ANKRD45: variants seen among roughly 807,000 people sequenced by gnomAD.
ANKRD45 encodes ankyrin repeat domain-containing protein 45.
Under a neutral mutation model 28.1 loss-of-function variants are expected in ANKRD45, and 21 were observed. That is an observed-to-expected ratio of 0.75 (90% CI 0.53 to 1.08). The LOEUF (loss-of-function observed/expected upper bound fraction) is 1.08. ANKRD45 is among the 50% of genes least tolerant of loss of function. The pLI is 0.00. For missense variants in ANKRD45, 261 were observed against 308.7 expected, an observed-to-expected ratio of 0.85 and a Z score of 1.16; for synonymous variants, 86 against 103.9, an observed-to-expected ratio of 0.83 and a Z score of 1.05.
chr1:173,693,951 A>T, the ANKRD45 span, among the ~76,000 whole-genome samples: 2 of 152,214 alleles, frequency 1.3e-5, no homozygotes, highest in Admixed American at 6.5e-5. Flanking sequence ...GCTTTGAGTG[A>T]AGGCATCTAT....
the ANKRD45 span, among the ~76,000 whole-genome samples, chr1:173,697,151 A>ATGGGGCTTTGTCCC: frequency 6.6e-6 from 1 of 152,234 alleles, no homozygotes; most frequent in Non-Finnish European, 1.5e-5. Flanking sequence ...AGCCTCCAAG[A>ATGGGGCTTTGTCCC]AATATGGGAC....
upstream of ANKRD45, among the ~76,000 whole-genome samples, chr1:173,673,561 T>C (rs560461674): frequency 4.0e-4 from 61 of 152,058 alleles, no homozygotes; most frequent in Non-Finnish European, 7.2e-4. Context: ...TGCTGAGTAC[T>C]GTGTTAAGTG....
the ANKRD45 span, among the ~76,000 whole-genome samples, chr1:173,699,922 G>A: frequency 3.2e-4 from 48 of 152,102 alleles, no homozygotes; most frequent in Non-Finnish European, 4.3e-4. Flanking sequence ...TTAGAAAACC[G>A]CATCATCTCA....
the ANKRD45 span, among the ~76,000 whole-genome samples, chr1:173,714,410 G>A: frequency 6.6e-6 from 1 of 152,122 alleles, no homozygotes; most frequent in Non-Finnish European, 1.5e-5. Context: ...GTGTCTGGTG[G>A]TGAATACTAA....
chr1:173,613,987 T>C (rs1348938054), intron 5 of ANKRD45, among the ~76,000 whole-genome samples: 1 of 152,216 alleles, frequency 6.6e-6, no homozygotes, highest in Non-Finnish European at 1.5e-5. Flanking sequence ...CTGTGCTCTC[T>C]GAAACATGTG....
At chr1:173,653,677 T>C (rs1381874245) in intron 2 of ANKRD45, among the ~76,000 whole-genome samples, 4 of 152,214 alleles carry the variant, frequency 2.6e-5, no homozygotes, top group Non-Finnish European at 5.9e-5. Flanking sequence ...CTCGTTGATC[T>C]GTCTAATGTT....
the ANKRD45 span, among the ~76,000 whole-genome samples, chr1:173,679,136 G>C: frequency 6.6e-6 from 1 of 152,150 alleles, no homozygotes; most frequent in Admixed American, 6.6e-5. Context: ...GTAATTTATA[G>C]ATTCAATGCT....
the ANKRD45 span, among the ~76,000 whole-genome samples, chr1:173,699,410 G>A: frequency 1.3e-5 from 2 of 152,118 alleles, no homozygotes; most frequent in Non-Finnish European, 2.9e-5. Flanking sequence ...GAACATCAAA[G>A]CAAAAATCCT....
At chr1:173,618,859 A>T (rs2102317196) in intron 5 of ANKRD45, among the ~76,000 whole-genome samples, 1 of 152,332 alleles carries the variant, frequency 6.6e-6, no homozygotes, top group South Asian at 2.1e-4. Flanking sequence ...GGTCAAAATG[A>T]AAGAAAAAAT....
chr1:173,624,488 G>A (rs1291583856), intron 5 of ANKRD45, among the ~76,000 whole-genome samples: 4 of 125,338 alleles, frequency 3.2e-5, no homozygotes, highest in East Asian at 4.3e-4. Flanking sequence ...CTCTGCCTCC[G>A]GGGGAAAAAA....
the ANKRD45 span, among the ~76,000 whole-genome samples, chr1:173,701,888 T>C: frequency 6.6e-6 from 1 of 152,084 alleles, no homozygotes; most frequent in Non-Finnish European, 1.5e-5. Flanking sequence ...TTAAAAATCA[T>C]CATTTTATGA....
intron 4 of ANKRD45, 134 bp downstream of exon 4, chr1:173,626,931 G>T: frequency 1.7e-6 from 1 of 595,600 alleles, no homozygotes. Flanking sequence ...AAGGTAGGAG[G>T]GAAGAAGGAA....
the ANKRD45 span, among the ~76,000 whole-genome samples, chr1:173,697,749 T>TAACTAACGG: frequency 6.6e-6 from 1 of 152,182 alleles, no homozygotes; most frequent in African/African-American, 2.4e-5. Context: ...AGGAAGACAC[T>TAACTAACGG]GCATCAACTA....
In ANKRD45 at chr1:173,663,876, T is replaced by C. The variant is rs1017012991; in HGVS notation, c.-15-4443A>G. ...ATCAATAGAGTATCCACATAATTTA[T>C]TGTTCAGTAACAATGGACAATTTTA... On this transcript the variant is annotated intron_variant, in intron 1 of 5. Coordinates refer to ENST00000333279, the MANE Select transcript of ANKRD45 (RefSeq NM_198493.3). Among the ~76,000 whole-genome samples, 12 of 152,232 alleles carry C rather than the reference T, an allele frequency of 7.9e-5. No homozygotes were observed. The East Asian group carries it at 1.7e-3, about 22-fold the overall frequency.
At chr1:173,635,732 A>G in intron 3 of ANKRD45, 1 of 1,535,524 alleles carries the variant, frequency 6.5e-7, no homozygotes, top group East Asian at 2.4e-5. Flanking sequence ...TAACATGGAT[A>G]TATTTCAGGG....
At chr1:173,610,386 C>G (rs1252382365) in intron 5 of ANKRD45, among the ~76,000 whole-genome samples, 171 bp from the exon 6 acceptor site, 1 of 152,182 alleles carries the variant, frequency 6.6e-6, no homozygotes, top group Non-Finnish European at 1.5e-5. Flanking sequence ...CTCTCCTGTT[C>G]ACTATATTTA....
chr1:173,678,552 T>G, the ANKRD45 span, among the ~76,000 whole-genome samples: 1 of 152,158 alleles, frequency 6.6e-6, no homozygotes. Flanking sequence ...TAGGTGTTGA[T>G]GGAAGGTATC....
chr1:173,704,100 C>T, the ANKRD45 span, among the ~76,000 whole-genome samples: 1 of 152,112 alleles, frequency 6.6e-6, no homozygotes, highest in Non-Finnish European at 1.5e-5. Flanking sequence ...TCATGTCCCG[C>T]GGTGGGGAGG....
chr1:173,628,630 G>C (rs1668048759), intron 3 of ANKRD45, among the ~76,000 whole-genome samples: 1 of 152,148 alleles, frequency 6.6e-6, no homozygotes, highest in African/African-American at 2.4e-5. Context: ...TAGAGCACCA[G>C]CTAGATTCCT....
Sources: allele counts gnomAD v4.1 joint callset (sites outside exome capture counted in the v4.1 genomes callset), GRCh38; gene constraint gnomAD v4.1.1; transcripts MANE v1.5; gene names NCBI Gene and HGNC (gene_info 2026-07-23, HGNC 2026-07-21).